Variants in RGS14 observed in about 807,000 individuals in gnomAD.
RGS14 encodes regulator of G-protein signaling 14.
Under a neutral mutation model 63.8 loss-of-function variants are expected in RGS14, and 33 were observed. The observed-to-expected ratio is 0.52, with a 90% confidence interval of 0.39 to 0.69. RGS14 has a LOEUF of 0.69. RGS14 is among the 30% of genes least tolerant of loss of function. The pLI is 0.00. For missense variants in RGS14, 739 were observed against 742.9 expected (o/e 0.99, Z 0.06); for synonymous variants, 296 against 320.9 (o/e 0.92, Z 0.83).
At chr5:177,366,585 T>C in intron 3 of RGS14, 123 bp from the exon 4 acceptor site, 1 of 901,726 alleles carries the variant, frequency 1.1e-6, no homozygotes, top group African/African-American at 2.0e-5. Context: ...TCTGTCTGTC[T>C]GGCCCTGTCT....
At chr5:177,370,147 C>T (rs1166715808) in intron 9 of RGS14, among the ~76,000 whole-genome samples, 3 of 152,196 alleles carry the variant, frequency 2.0e-5, no homozygotes, top group Admixed American at 2.0e-4. Flanking sequence ...AAAATGGGAC[C>T]AGGCCAGGGT....
Position 177,371,783 on chromosome 5 carries a change from G to A in RGS14, c.1499-90G>A. ...GGCCATTGGTGCTGGGGCCAGGGAG[G>A]CAGTGGCCACAGTAAGGCAGTGGGA... On this transcript the variant is annotated intron_variant, in intron 14 of 14. Coordinates refer to ENST00000408923, the MANE Select transcript of RGS14 (RefSeq NM_006480.5). This position sits in a 1 kb window ranked among gnomAD's most constrained non-coding sequence, Gnocchi z 6.1. 1 of 1,400,192 alleles carries A rather than the reference G, an allele frequency of 7.1e-7. No individual in the cohort carries two copies. Among genetic ancestry groups the A allele is most frequent in the Non-Finnish European group, 9.9e-7 (1 of 1,014,280 alleles). The allele number at this position is 1,400,192 out of a possible 1,614,324, so 86.7% of individuals were successfully genotyped here.
chr5:177,367,858 G>T, intron 7 of RGS14, 33 bp downstream of exon 7: 3 of 1,525,534 alleles, frequency 2.0e-6, no homozygotes, highest in Non-Finnish European at 2.6e-6. Context: ...GAGATGTGGG[G>T]AAGGCGGGAG....
rs1761903384 is a variant in RGS14 at position 177,359,322 on chromosome 5, A to C, written c.45+1253A>C. Among the ~76,000 whole-genome samples the C allele has an allele frequency of 6.6e-6, 1 of 152,118 alleles. No individual in the cohort carries two copies. Among genetic ancestry groups the C allele is most frequent in the Admixed American group, 6.5e-5 (1 of 15,278 alleles). On this transcript the variant is annotated intron_variant, in intron 1 of 14. Coordinates refer to ENST00000408923, the MANE Select transcript of RGS14 (RefSeq NM_006480.5). The surrounding 1 kb of genome is among the most constrained non-coding windows in gnomAD (Gnocchi z 4.4). ...TGTCTGCAGTACCGACCCCACAACG[A>C]AAGTGCAAAAAGAAAACCCACCTCC... is the stretch of plus-strand genomic sequence containing the variant.
At position 177,366,202 on chromosome 5, in the gene RGS14, G is replaced by A. The variant is rs1448230658; in HGVS notation, c.93G>A (p.Gln31=). The change falls in exon 3 of 15, where the codon CAG becomes CAA. Residue 31 remains glutamine (Q), a synonymous_variant. Coordinates refer to ENST00000408923, the MANE Select transcript of RGS14 (RefSeq NM_006480.5). ...DGELSSTTGP[Q]GQGEGRGSSL... ...AGCTGAGCAGCACGACGGGGCCCCA[G>A]GGCCAGGGCGAGGGCCGCGGCAGCT... 6.2e-7 allele frequency: 1 copy of A among 1,609,236 alleles called. No individual in the cohort carries two copies. Among genetic ancestry groups the A allele is most frequent in the Admixed American group, 1.7e-5 (1 of 59,808 alleles).
In RGS14 at chr5:177,371,369, C is replaced by T. The variant is rs761013339; in HGVS notation, c.1356C>T (p.Ala452=). 6.2e-7 allele frequency: 1 copy of T among 1,614,036 alleles called. No individual in the cohort carries two copies. Among genetic ancestry groups the T allele is most frequent in the Middle Eastern group, 1.6e-4 (1 of 6,062 alleles). ...DTLPGVKISK[A]RDKSPCRSQG... ...CTGCAGGTGTGAAGATCTCCAAAGC[C>T]CGTGACAAATCTCCCTGCCGCAGCC... is the stretch of plus-strand genomic sequence containing the variant. The change falls in exon 13 of 15, where the codon GCC becomes GCT. Residue 452 remains alanine, a synonymous_variant. Coordinates refer to ENST00000408923, the MANE Select transcript of RGS14 (RefSeq NM_006480.5). This position sits in a 1 kb window ranked among gnomAD's most constrained non-coding sequence, Gnocchi z 6.1.
At chr5:177,362,764 C>G (rs1415776504) in intron 1 of RGS14, among the ~76,000 whole-genome samples, 3 of 148,772 alleles carry the variant, frequency 2.0e-5, no homozygotes, top group African/African-American at 7.4e-5. Flanking sequence ...AACGTGCCTC[C>G]GGGGGCAGGG....
At chr5:177,367,979 G>A in intron 7 of RGS14, 154 bp downstream of exon 7, 2 of 1,438,234 alleles carry the variant, frequency 1.4e-6, no homozygotes, top group South Asian at 1.5e-5. Flanking sequence ...TGGGTGGTTC[G>A]GGTCTTGGGC....
intron 6 of RGS14, 31 bp downstream of exon 6, chr5:177,367,588 G>C: frequency 1.9e-6 from 3 of 1,591,690 alleles, no homozygotes; most frequent in South Asian, 1.1e-5. Context: ...GACTGGGCGA[G>C]GCAGGGGGTC....
chr5:177,363,990 C>A (rs2127328594), intron 1 of RGS14, among the ~76,000 whole-genome samples: 1 of 152,272 alleles, frequency 6.6e-6, no homozygotes, highest in Middle Eastern at 3.4e-3. Context: ...AAATCTCTTG[C>A]TTTTTAAATG....
rs1762280067 is a variant in RGS14 at position 177,371,853 on chromosome 5, A to G, written c.1499-20A>G. On this transcript the variant is annotated intron_variant, in intron 14 of 14. Transcript: ENST00000408923. The surrounding 1 kb of genome is among the most constrained non-coding windows in gnomAD (Gnocchi z 6.1). ...AGGCAGGTCTGCTGGGGGGACCCTC[A>G]TGCTGTGGCTTGCCTCCAGGCCTGG... 2.5e-6 allele frequency: 4 copies of G among 1,607,328 alleles called. No individual in the cohort carries two copies. Among genetic ancestry groups the G allele is most frequent in the Admixed American group, 1.7e-5 (1 of 59,674 alleles).
rs1761862487 is a variant in RGS14, at chr5:177,358,036, G to C, written c.12G>C (p.Lys4Asn). Reference protein sequence around the residue: MPGKPKHLGVPNGR... With the variant: MPGNPKHLGVPNGR... Reference sequence around the variant, plus strand: ...TGATCGGCAGCGGCATGCCAGGGAAGCCCAAGCACCTGGGCGTCCCCAACG... The same window carrying C: ...TGATCGGCAGCGGCATGCCAGGGAACCCCAAGCACCTGGGCGTCCCCAACG... Residue 4 changes from lysine to asparagine, a missense_variant, in exon 1 of 15, where the codon AAG becomes AAC. Transcript: ENST00000408923. The surrounding 1 kb of genome is among the most constrained non-coding windows in gnomAD (Gnocchi z 4.8). The C allele has an allele frequency of 5.9e-6, 8 of 1,359,780 alleles. No individual in the cohort carries two copies. The highest frequency in any genetic ancestry group is 2.3e-4 in the Middle Eastern group (1 of 4,400). 84.2% of individuals were successfully genotyped at this position (1,359,780 alleles called of 1,614,324 possible).
intron 1 of RGS14, among the ~76,000 whole-genome samples, chr5:177,362,481 G>A (rs1761989123): frequency 6.6e-6 from 1 of 152,206 alleles, no homozygotes; most frequent in East Asian, 1.9e-4. Context: ...CCGGGACATG[G>A]GTGGATAAGC....
chr5:177,365,126 C>T (rs1368831075), intron 1 of RGS14, among the ~76,000 whole-genome samples: 2 of 152,194 alleles, frequency 1.3e-5, no homozygotes, highest in African/African-American at 4.8e-5. Flanking sequence ...TCCTCAAAGA[C>T]AGCACATGTT....
chr5:177,371,540 G>A lies in RGS14; in HGVS notation c.1449G>A (p.Val483=), dbSNP rs1430623541. 2.5e-6 allele frequency: 4 copies of A among 1,614,038 alleles called. No individual in the cohort carries two copies. In the East Asian group the frequency reaches 6.7e-5, roughly 27 times the overall value. ...CTCCAGCGTCCCCCAGTTCTCTGGTGAAGGTGCCCAGTAGTGCCACTGGAA... is the reference window on the plus strand; with the variant it reads ...CTCCAGCGTCCCCCAGTTCTCTGGTAAAGGTGCCCAGTAGTGCCACTGGAA... ...HPPPASPSSL[V]KVPSSATGKR... The change falls in exon 14 of 15, where the codon GTG becomes GTA. Residue 483 remains valine, a synonymous_variant. Transcript: ENST00000408923. This position sits in a 1 kb window ranked among gnomAD's most constrained non-coding sequence, Gnocchi z 6.1.
At position 177,371,817 on chromosome 5, in the gene RGS14, G is replaced by T. The variant is rs888357722; in HGVS notation, c.1499-56G>T. On this transcript the variant is annotated intron_variant, in intron 14 of 14. Coordinates refer to ENST00000408923, the MANE Select transcript of RGS14 (RefSeq NM_006480.5). The surrounding 1 kb of genome is among the most constrained non-coding windows in gnomAD (Gnocchi z 6.1). Reference sequence around the variant, plus strand: ...ACAGTAAGGCAGTGGGACTATCGTGGGCTGGCATATAGGCAGGTCTGCTGG... The same window carrying T: ...ACAGTAAGGCAGTGGGACTATCGTGTGCTGGCATATAGGCAGGTCTGCTGG... 5.6e-5 allele frequency: 86 copies of T among 1,547,956 alleles called. No homozygotes were observed. Among genetic ancestry groups the T allele is most frequent in the Non-Finnish European group, 7.2e-5 (82 of 1,134,888 alleles).
At chr5:177,363,958 C>T in intron 1 of RGS14, among the ~76,000 whole-genome samples, 1 of 152,188 alleles carries the variant, frequency 6.6e-6, no homozygotes, top group Admixed American at 6.5e-5. Context: ...GCATTACAGT[C>T]TCACGGAGCA....
intron 9 of RGS14, 153 bp from the exon 10 acceptor site, chr5:177,370,438 C>G: frequency 1.5e-6 from 1 of 661,372 alleles, no homozygotes; most frequent in South Asian, 1.7e-5. Context: ...GGTACCTTAA[C>G]CCATTTGCTC....
At chr5:177,363,313 G>T (rs936062424) in intron 1 of RGS14, among the ~76,000 whole-genome samples, 3 of 152,082 alleles carry the variant, frequency 2.0e-5, no homozygotes, top group Non-Finnish European at 4.4e-5. Context: ...GGCCAGGAGG[G>T]GCGGGGCCGG....
Sources: allele counts gnomAD v4.1 joint callset (sites outside exome capture counted in the v4.1 genomes callset), GRCh38; gene constraint gnomAD v4.1.1; non-coding constraint Gnocchi (gnomAD v3.1); transcripts MANE v1.5; gene names NCBI Gene and HGNC (gene_info 2026-07-23, HGNC 2026-07-21).